Variants in MUC12 observed in about 807,000 individuals in gnomAD.
The protein encoded by MUC12 is mucin-12.
In MUC12, 172 loss-of-function variants were observed where a neutral mutation model predicts 230.8. The ratio of observed to expected loss-of-function variants is 0.75; its 90% CI spans 0.66 to 0.85. The LOEUF (loss-of-function observed/expected upper bound fraction) is 0.85. MUC12 is among the 40% of genes least tolerant of loss of function. The pLI, the probability that MUC12 is intolerant of heterozygous loss-of-function variation, is 0.00. For synonymous variants in MUC12, 1,259 were observed against 2,401.9 expected (o/e 0.52, Z 13.91); for missense variants, 3,506 against 5,920.6 (o/e 0.59, Z 13.38).
At chr7:100,972,163 T>C in intron 1 of MUC12, 1 of 703,422 alleles carries the variant, frequency 1.4e-6, no homozygotes, top group Non-Finnish European at 2.6e-6. Context: ...GTAGCTCATA[T>C]AATTCTCATG....
intron 1 of MUC12, among the ~76,000 whole-genome samples, chr7:100,984,316 G>T (rs1392896320): frequency 6.6e-6 from 1 of 151,048 alleles, no homozygotes; most frequent in Non-Finnish European, 1.5e-5. Context: ...GAGTACAGTG[G>T]CATGATCTTG....
intron 1 of MUC12, among the ~76,000 whole-genome samples, chr7:100,980,677 G>A (rs1289594678): frequency 6.6e-6 from 1 of 152,136 alleles, no homozygotes; most frequent in East Asian, 1.9e-4. Context: ...TAATTCCAGT[G>A]CCTTGGGAGG....
rs1198518148 is a variant in MUC12 at position 101,004,542 on chromosome 7, G to T, written c.13979G>T (p.Ser4660Ile). ...GTTGAAGAACCTACCAGCTACCACA[G>T]CAGCCCGGGCTCAATTGCAACAACA... ...ALVEEPTSYH[S>I]SPGSIATTHF... The change falls in exon 2 of 12, where the codon AGC (serine) becomes ATC (isoleucine). Residue 4660 changes from serine (S) to isoleucine (I), a missense_variant. Physicochemically the swap from Ser to Ile is moderately radical, Grantham distance 142. Transcript: ENST00000536621. 6 of 1,536,816 alleles carry T rather than the reference G, an allele frequency of 3.9e-6. No individual in the cohort carries two copies. Among genetic ancestry groups the T allele is most frequent in the Non-Finnish European group, 5.2e-6 (6 of 1,146,770 alleles).
rs772271188 is a variant in MUC12 at position 100,995,899 on chromosome 7, C to G, written c.5336C>G (p.Thr1779Ser). Reference protein sequence around the residue: ...STAYHSSPGSTQTMHFPESST... With the variant: ...STAYHSSPGSSQTMHFPESST... ...GCGTACCACAGCAGCCCGGGCTCAA[C>G]TCAAACAATGCACTTCCCTGAAAGC... The change falls in exon 2 of 12, where the codon ACT (threonine) becomes AGT (serine). Residue 1779 changes from threonine to serine, a missense_variant. By Grantham distance (58) the Thr-to-Ser change is moderately conservative. Transcript: ENST00000536621. The G allele has an allele frequency of 7.3e-7, 1 of 1,370,668 alleles. No homozygotes were observed. The highest frequency in any genetic ancestry group is 9.8e-7 in the Non-Finnish European group (1 of 1,020,700). The allele number at this position is 1,370,668 out of a possible 1,614,324, so 84.9% of individuals were successfully genotyped here.
chr7:100,992,062 C>G lies in MUC12; in HGVS notation c.1499C>G (p.Pro500Arg), dbSNP rs1247107543. The G allele has an allele frequency of 6.5e-7, 1 of 1,537,210 alleles. No individual in the cohort carries two copies. Among genetic ancestry groups the G allele is most frequent in the Non-Finnish European group, 8.7e-7 (1 of 1,146,716 alleles). The change falls in exon 2 of 12, where the codon CCC becomes CGC. Residue 500 changes from proline to arginine, a missense_variant. By Grantham distance (103) the Pro-to-Arg change is moderately radical. Transcript: ENST00000536621. ...AAATCTACCACTTTCTACAGTAGCC[C>G]CAGATCACCAGACACAACACACTTA... The part of the protein sequence containing the change: ...SEKSTTFYSS[P>R]RSPDTTHLPA...
At chr7:101,014,944 G>C (rs1219646318) in intron 9 of MUC12, among the ~76,000 whole-genome samples, 1 of 152,052 alleles carries the variant, frequency 6.6e-6, no homozygotes, top group East Asian at 1.9e-4. Flanking sequence ...TGTCACCCCT[G>C]GCTGTCTGAA....
intron 9 of MUC12, among the ~76,000 whole-genome samples, chr7:101,014,652 AT>A (rs1260806562): frequency 2.6e-5 from 4 of 151,932 alleles, no homozygotes; most frequent in Non-Finnish European, 4.4e-5. Flanking sequence ...TAATTTTTGT[AT>A]TTTTAGTAGA....
rs1038180201 is a variant in MUC12 at position 101,004,741 on chromosome 7, C to T, written c.14178C>T (p.Ala4726=). The change falls in exon 2 of 12, where the codon GCC becomes GCT. Residue 4726 remains alanine (A), a synonymous_variant. Coordinates refer to ENST00000536621, the MANE Select transcript of MUC12 (RefSeq NM_001164462.2). ...ISPGSMETTL[A]STATTPGLSA... ...CAGGCTCAATGGAAACAACATTAGC[C>T]AGCACTGCCACAACACCAGGCCTCA... 3.9e-6 allele frequency: 6 copies of T among 1,536,788 alleles called. No individual in the cohort carries two copies. The highest frequency in any genetic ancestry group is 1.2e-5 in the South Asian group (1 of 84,012).
intron 10 of MUC12, chr7:101,016,803 G>A: frequency 6.6e-6 from 1 of 152,658 alleles, no homozygotes; most frequent in Non-Finnish European, 1.5e-5. Flanking sequence ...GCTGACCCTT[G>A]GGCCCCGAAG....
chr7:100,980,400 A>T (rs1220651505), intron 1 of MUC12, among the ~76,000 whole-genome samples: 1 of 152,110 alleles, frequency 6.6e-6, no homozygotes, highest in Non-Finnish European at 1.5e-5. Context: ...TTTTATTTCT[A>T]TGTATTTAGA....
rs1793956714 is a variant in MUC12 at position 101,017,737 on chromosome 7, CTCCCTTCTCCCCCTGGGA to C, written c.15966+75_15966+92del. On this transcript the variant is annotated intron_variant, in intron 11 of 11. Transcript: ENST00000536621. The stretch of plus-strand genomic sequence containing the variant: ...TCTGGGGTTCCCTCTTCCCCCGGGA[CTCCCTTCTCCCCCTGGGA>C]CTCCCTTCTCCCCCTGGGACTCCCT... 6 of 1,070,716 alleles carry C rather than the reference CTCCCTTCTCCCCCTGGGA, an allele frequency of 5.6e-6. No homozygotes were observed. In the South Asian group the frequency reaches 9.4e-5, roughly 17 times the overall value. 66.3% of individuals were successfully genotyped at this position (1,070,716 alleles called of 1,614,324 possible).
Position 100,969,658 on chromosome 7 carries a change from G to A in MUC12, c.36G>A (p.Arg12=). The change falls in exon 1 of 12, where the codon CGG becomes CGA. Residue 12 remains arginine, a synonymous_variant. Transcript: ENST00000536621. ...LVIWILTLAL[R]LCASVTTVTP... Reference sequence around the variant, plus strand: ...TCTGGATTCTGACGCTGGCTCTCCGGCTCTGCGCGTCCGTTACTACAGTGA... The same window carrying A: ...TCTGGATTCTGACGCTGGCTCTCCGACTCTGCGCGTCCGTTACTACAGTGA... The A allele has an allele frequency of 1.3e-6, 2 of 1,537,418 alleles. No individual in the cohort carries two copies. The highest frequency in any genetic ancestry group is 1.7e-6 in the Non-Finnish European group (2 of 1,146,944).
At position 101,012,987 on chromosome 7, in the gene MUC12, C is replaced by T. The variant is rs745516318; in HGVS notation, c.15483C>T (p.Cys5161=). Residue 5161 remains cysteine (C), a synonymous_variant, in exon 8 of 12, where the codon TGC becomes TGT. Coordinates refer to ENST00000536621, the MANE Select transcript of MUC12 (RefSeq NM_001164462.2). ...VTPGFDFQEQ[C]TQKAAEGYTQ... Reference sequence around the variant, plus strand: ...CCCGCCCCTCTCCCTCAGAGCAATGCACCCAGAAGGCTGCCGAAGGATATA... The same window carrying T: ...CCCGCCCCTCTCCCTCAGAGCAATGTACCCAGAAGGCTGCCGAAGGATATA... 8 of 1,537,206 alleles carry T rather than the reference C, an allele frequency of 5.2e-6. No homozygotes were observed. The Admixed American group carries it at 5.9e-5, about 11-fold the overall frequency.
chr7:101,009,734 G>C (rs1480059058), intron 5 of MUC12, among the ~76,000 whole-genome samples: 1 of 152,212 alleles, frequency 6.6e-6, no homozygotes, highest in African/African-American at 2.4e-5. Context: ...GATCCAGAGA[G>C]AGGGAAGGGA....
rs1793279649 is a variant in MUC12 at position 100,990,989 on chromosome 7, T to A, written c.426T>A (p.Ser142Arg). 6.5e-7 allele frequency: 1 copy of A among 1,537,598 alleles called. No individual in the cohort carries two copies. Among genetic ancestry groups the A allele is most frequent in the East Asian group, 2.4e-5 (1 of 40,898 alleles). Residue 142 changes from serine to arginine, a missense_variant, in exon 2 of 12, where the codon AGT becomes AGA. Transcript: ENST00000536621. ...GTGAGAAATCTACCACCTTCTACAG[T>A]AGCCCCAGATCACCAGACAGAACAC... ...GLSEKSTTFY[S>R]SPRSPDRTLS...
chr7:100,991,465 T>G lies in MUC12; in HGVS notation c.902T>G (p.Leu301Arg), dbSNP rs1562781948. Residue 301 changes from leucine (L) to arginine (R), a missense_variant, in exon 2 of 12, where the codon CTA becomes CGA. Physicochemically the swap from Leu to Arg is moderately radical, Grantham distance 102. Coordinates refer to ENST00000536621, the MANE Select transcript of MUC12 (RefSeq NM_001164462.2). The stretch of plus-strand genomic sequence containing the variant: ...GGTACCACATCAGCCTTTGTTAAAC[T>G]ATCTACAACTTATCACAGCAGCCCG... ...PSGTTSAFVK[L>R]STTYHSSPSS... 2 of 1,537,692 alleles carry G rather than the reference T, an allele frequency of 1.3e-6. No homozygotes were observed. The highest frequency in any genetic ancestry group is 2.0e-5 in the Admixed American group (1 of 50,976).
chr7:100,970,549 AGAAAG>A (rs1447470678), intron 1 of MUC12, among the ~76,000 whole-genome samples: 1 of 151,892 alleles, frequency 6.6e-6, no homozygotes, highest in Non-Finnish European at 1.5e-5. Context: ...AAGAAAAAAA[AGAAAG>A]GAAGAAAGAA....
Position 101,004,431 on chromosome 7 carries a change from C to T in MUC12, c.13868C>T (p.Ala4623Val), listed in dbSNP as rs1402622492. 3 of 1,519,318 alleles carry T rather than the reference C, an allele frequency of 2.0e-6. No individual in the cohort carries two copies. The highest frequency in any genetic ancestry group is 2.5e-5 in the East Asian group (1 of 40,258). 94.1% of individuals were successfully genotyped at this position (1,519,318 alleles called of 1,614,324 possible). A position where few individuals can be genotyped will look rare whatever the true frequency, so the allele number is the denominator to read the frequency against. ...ATGCACTTCCCTGAAAGCTCCACAG[C>T]TTCAGGTCGTAGTGAAGAATCAAGA... ...QTMHFPESST[A>V]SGRSEESRTS... The change falls in exon 2 of 12, where the codon GCT becomes GTT. Residue 4623 changes from alanine (A) to valine (V), a missense_variant. Transcript: ENST00000536621.
rs1267788219 is a variant in MUC12, at chr7:100,992,297, T to C, written c.1734T>C (p.Thr578=). ...TTASSLGPEY[T]TFHSRPGSTE... Reference sequence around the variant, plus strand: ...CATCATCCCTTGGTCCAGAATATACTACCTTCCACAGCCGCCCAGGCTCCA... The same window carrying C: ...CATCATCCCTTGGTCCAGAATATACCACCTTCCACAGCCGCCCAGGCTCCA... Residue 578 remains threonine (T), a synonymous_variant, in exon 2 of 12, where the codon ACT becomes ACC. Transcript: ENST00000536621. The C allele has an allele frequency of 6.5e-7, 1 of 1,536,614 alleles. No homozygotes were observed. The highest frequency in any genetic ancestry group is 2.4e-5 in the East Asian group (1 of 40,876).
Sources: gnomAD v4.1 joint callset for allele counts (sites outside exome capture counted in the v4.1 genomes callset) on GRCh38, gnomAD v4.1.1 for gene constraint, MANE v1.5 for transcripts, NCBI Gene and HGNC (gene_info 2026-07-23, HGNC 2026-07-21) for gene names.